ME1: variants seen among roughly 807,000 people sequenced by gnomAD.
ME1 encodes NADP-dependent malic enzyme.
Under a neutral mutation model 66.4 loss-of-function variants are expected in ME1, and 74 were observed. The observed-to-expected ratio is 1.11, with a 90% CI of 0.92 to 1.35. The LOEUF (loss-of-function observed/expected upper bound fraction) is 1.35. ME1 is among the 40% of genes most tolerant of loss of function. The pLI, the probability that ME1 is intolerant of heterozygous loss-of-function variation, is 0.00. For synonymous variants in ME1, 251 were observed against 235.6 expected, an observed-to-expected ratio of 1.07 and a Z score of -0.60; for missense variants, 750 against 694.1, an observed-to-expected ratio of 1.08 and a Z score of -0.90.
intron 12 of ME1, among the ~76,000 whole-genome samples, chr6:83,222,875 G>T (rs541190361): frequency 3.9e-5 from 6 of 152,168 alleles, no homozygotes; most frequent in Non-Finnish European, 8.8e-5. Flanking sequence ...TCCCCAGTGG[G>T]CCTGCTTTGT....
At chr6:83,275,982 G>A (rs192111938) in intron 6 of ME1, among the ~76,000 whole-genome samples, 1 of 151,824 alleles carries the variant, frequency 6.6e-6, no homozygotes, top group Non-Finnish European at 1.5e-5. Context: ...ATGTTAGCCA[G>A]GATGGTCGCG....
intron 5 of ME1, 108 bp from the exon 6 acceptor site, chr6:83,315,521 A>C (rs1768015219): frequency 1.5e-6 from 1 of 661,140 alleles, no homozygotes; most frequent in South Asian, 2.0e-5. Context: ...ATAAAATCTT[A>C]CCATACTGAT....
In ME1 at chr6:83,398,464, C is replaced by G; in HGVS notation, c.265G>C (p.Val89Leu). 1 of 1,589,222 alleles carries G rather than the reference C, an allele frequency of 6.3e-7. No individual in the cohort carries two copies. Among genetic ancestry groups the G allele is most frequent in the Non-Finnish European group, 8.6e-7 (1 of 1,163,150 alleles). Residue 89 changes from valine (V) to leucine (L), a missense_variant, in exon 3 of 14, where the codon GTG becomes CTG. Val to Leu is a conservative substitution (Grantham distance 32). Transcript: ENST00000369705. ...QDRNEKLFYR[V>L]LTSDIEKFMP... The stretch of plus-strand genomic sequence containing the variant: ...AATTTCTCAATGTCAGATGTCAGCA[C>G]TCTATAAAAGAGTTTTTCATTTCTA...
chr6:83,226,191 G>C (rs985349901), intron 11 of ME1, among the ~76,000 whole-genome samples: 1 of 151,930 alleles, frequency 6.6e-6, no homozygotes, highest in African/African-American at 2.4e-5. Context: ...GAAAAACATA[G>C]AACATTAGGC....
At chr6:83,357,552 C>T (rs988053518) in intron 3 of ME1, among the ~76,000 whole-genome samples, 5 of 151,988 alleles carry the variant, frequency 3.3e-5, no homozygotes, top group African/African-American at 9.7e-5. Flanking sequence ...CTTGATGGGA[C>T]TGAAGGATAT....
chr6:83,354,203 T>G (rs1583397120), intron 3 of ME1, among the ~76,000 whole-genome samples: 1 of 152,204 alleles, frequency 6.6e-6, no homozygotes, highest in Non-Finnish European at 1.5e-5. Flanking sequence ...CTTGGCTCAC[T>G]GCATCCCCTG....
intron 9 of ME1, 59 bp downstream of exon 9, chr6:83,237,658 G>T: frequency 1.2e-6 from 1 of 858,678 alleles, no homozygotes; most frequent in Non-Finnish European, 1.8e-6. Context: ...TTGTCTTTGA[G>T]ATGGCCATCC....
intron 6 of ME1, among the ~76,000 whole-genome samples, chr6:83,270,515 T>C (rs1157246130): frequency 6.6e-6 from 1 of 152,112 alleles, no homozygotes; most frequent in Non-Finnish European, 1.5e-5. Context: ...GCTGAGAAAC[T>C]GGGTTTCTCA....
chr6:83,301,031 C>T (rs1218011919), intron 6 of ME1, among the ~76,000 whole-genome samples: 1 of 152,094 alleles, frequency 6.6e-6, no homozygotes, highest in African/African-American at 2.4e-5. Context: ...GAACATCACA[C>T]ACCAGGGCCT....
intron 7 of ME1, 130 bp downstream of exon 7, chr6:83,253,499 G>T: frequency 2.0e-6 from 1 of 503,070 alleles, no homozygotes; most frequent in Non-Finnish European, 3.6e-6. Context: ...AATAGTATGT[G>T]ACATCAGCAA....
intron 1 of ME1, among the ~76,000 whole-genome samples, chr6:83,413,855 T>C (rs1770099660): frequency 6.6e-6 from 1 of 152,064 alleles, no homozygotes; most frequent in Non-Finnish European, 1.5e-5. Context: ...ACACCTGTAA[T>C]CCCAGCACAT....
intron 1 of ME1, among the ~76,000 whole-genome samples, chr6:83,409,026 T>C (rs573194466): frequency 6.6e-6 from 1 of 152,220 alleles, no homozygotes; most frequent in South Asian, 2.1e-4. Context: ...TATAGGATTA[T>C]TACCCTTATA....
intron 2 of ME1, among the ~76,000 whole-genome samples, chr6:83,403,356 G>C (rs1001285573): frequency 2.6e-5 from 4 of 152,152 alleles, no homozygotes; most frequent in African/African-American, 9.7e-5. Context: ...AGTTTTGTAG[G>C]CCAGGAAGTT....
intron 12 of ME1, among the ~76,000 whole-genome samples, chr6:83,219,091 CAA>C (rs924195172): frequency 1.3e-5 from 2 of 152,022 alleles, no homozygotes; most frequent in African/African-American, 4.8e-5. Flanking sequence ...CTAAGAGAAA[CAA>C]GAGGGAGAGC....
At chr6:83,309,912 T>C (rs181644850) in intron 6 of ME1, among the ~76,000 whole-genome samples, 25 of 152,176 alleles carry the variant, frequency 1.6e-4, no homozygotes, top group Admixed American at 1.5e-3. Flanking sequence ...ATTCTGTATG[T>C]TGGGCTTCAA....
intron 6 of ME1, among the ~76,000 whole-genome samples, chr6:83,300,947 C>T (rs1043083705): frequency 5.3e-5 from 8 of 152,106 alleles, no homozygotes; most frequent in African/African-American, 1.9e-4. Flanking sequence ...ATCGCAAGGA[C>T]AGAAAACCAA....
chr6:83,368,896 T>C (rs1021131100), intron 3 of ME1, among the ~76,000 whole-genome samples: 13 of 152,152 alleles, frequency 8.5e-5, no homozygotes, highest in African/African-American at 3.1e-4. Context: ...TTCCCAATCC[T>C]GAACTTGCCA....
At chr6:83,223,151 A>AT (rs1790124424) in intron 12 of ME1, among the ~76,000 whole-genome samples, 1 of 152,046 alleles carries the variant, frequency 6.6e-6, no homozygotes, top group Admixed American at 6.6e-5. Context: ...TTTGGAAACA[A>AT]TTTTGTTTTT....
chr6:83,237,227 AAAAG>A (rs71545852), intron 9 of ME1, among the ~76,000 whole-genome samples: 1,119 of 69,014 alleles, frequency 0.016, 29 homozygotes, highest in South Asian at 0.057. Flanking sequence ...ACAGAGAGAG[AAAAG>A]AAAGAAAGAA....
Sources: gnomAD v4.1 joint callset for allele counts (sites outside exome capture counted in the v4.1 genomes callset) on GRCh38, gnomAD v4.1.1 for gene constraint, MANE v1.5 for transcripts, NCBI Gene and HGNC (gene_info 2026-07-23, HGNC 2026-07-21) for gene names.